Variants in ZNF492 observed in about 807,000 individuals in gnomAD.
ZNF492 encodes the protein zinc finger protein 492.
A neutral mutation model predicts 6.4 loss-of-function variants in ZNF492; 3 were observed. That is an observed-to-expected ratio of 0.47 (90% CI 0.21 to 1.22). The LOEUF (loss-of-function observed/expected upper bound fraction) is 1.22, where lower values mean the gene tolerates loss of function less well. ZNF492 is among the 50% of genes most tolerant of loss of function. The pLI is 0.22. For synonymous variants in ZNF492, 112 were observed against 205.3 expected, an observed-to-expected ratio of 0.55 and a Z score of 3.89; for missense variants, 356 against 612.5, an observed-to-expected ratio of 0.58 and a Z score of 4.42.
intron 1 of ZNF492, among the ~76,000 whole-genome samples, 183 bp from the exon 2 acceptor site, chr19:22,653,124 T>C (rs1327852276): frequency 6.6e-6 from 1 of 151,588 alleles, no homozygotes; most frequent in African/African-American, 2.4e-5. Context: ...GCCACTCTCT[T>C]TTCTCAGAGT....
chr19:22,638,240 C>A (rs1452153231), intron 1 of ZNF492, among the ~76,000 whole-genome samples: 1 of 152,020 alleles, frequency 6.6e-6, no homozygotes, highest in Non-Finnish European at 1.5e-5. Context: ...TCAATTACTG[C>A]TTTTGTTGCA....
intron 1 of ZNF492, among the ~76,000 whole-genome samples, chr19:22,647,193 G>T (rs1971887163): frequency 6.6e-6 from 1 of 150,994 alleles, no homozygotes; most frequent in Admixed American, 6.6e-5. Flanking sequence ...GCCCGGCCTG[G>T]TGGATGTTTT....
In ZNF492 at chr19:22,640,596, T is replaced by C. The variant is rs2145243474; in HGVS notation, c.-94+6122T>C. Among the ~76,000 whole-genome samples the C allele has an allele frequency of 1.3e-5, 2 of 152,332 alleles. 1 individual carries two copies. The highest frequency in any genetic ancestry group is 4.1e-4 in the South Asian group (2 of 4,826). On this transcript the variant is annotated intron_variant, in intron 1 of 3. Transcript: ENST00000456783. ...TTTTTGCATCAATGTTCATCAAGAA[T>C]ATTGGTCTAAAGTTTTCTTCTTTTG...
At chr19:22,639,676 A>G (rs1371581637) in intron 1 of ZNF492, among the ~76,000 whole-genome samples, 1 of 148,470 alleles carries the variant, frequency 6.7e-6, no homozygotes, top group East Asian at 2.0e-4. Flanking sequence ...GCGCCACCGC[A>G]CCCCAGCCTG....
intron 1 of ZNF492, among the ~76,000 whole-genome samples, chr19:22,646,291 GTTTA>G (rs1179863390): frequency 1.3e-5 from 2 of 151,826 alleles, no homozygotes; most frequent in Non-Finnish European, 2.9e-5. Context: ...CAGTTGTGAA[GTTTA>G]TTTATGATTT....
Position 22,665,126 on chromosome 19 carries a change from T to G in ZNF492, c.1457T>G (p.Phe486Cys). 1 of 1,610,700 alleles carries G rather than the reference T, an allele frequency of 6.2e-7. No homozygotes were observed. The highest frequency in any genetic ancestry group is 1.1e-5 in the South Asian group (1 of 90,184). ...PYKCEECGKAFNNSSILNRHK... is the reference protein window; with the variant it reads ...PYKCEECGKACNNSSILNRHK... The stretch of plus-strand genomic sequence containing the variant: ...AAGTGTGAAGAATGTGGCAAAGCCT[T>G]TAACAACTCCTCTATTCTTAACAGA... The change falls in exon 4 of 4, where the codon TTT becomes TGT. Residue 486 changes from phenylalanine (F) to cysteine (C), a missense_variant. Phe to Cys is a radical substitution (Grantham distance 205, BLOSUM62 -2). Coordinates refer to ENST00000456783, the MANE Select transcript of ZNF492 (RefSeq NM_020855.3).
chr19:22,663,126 G>A (rs1169628226), intron 3 of ZNF492, among the ~76,000 whole-genome samples: 1 of 152,016 alleles, frequency 6.6e-6, no homozygotes, highest in South Asian at 2.1e-4. Flanking sequence ...GTGTAAGGAA[G>A]GGATCCAGTT....
rs1452415550 is a variant in ZNF492, at chr19:22,666,534, G to C, written c.*1269G>C. The C allele has an allele frequency of 6.6e-6, 1 of 152,124 alleles. No individual in the cohort carries two copies. The highest frequency in any genetic ancestry group is 1.9e-4 in the East Asian group (1 of 5,180). 9.4% of individuals were successfully genotyped at this position (152,124 alleles called of 1,614,324 possible). On this transcript the variant is annotated 3_prime_UTR_variant, in exon 4 of 4. Coordinates refer to ENST00000456783, the MANE Select transcript of ZNF492 (RefSeq NM_020855.3). ...CTATTGTATTCATATGTGAAAGCAT[G>C]TGACCAAAAGATATGAGGATTATTT...
intron 3 of ZNF492, among the ~76,000 whole-genome samples, chr19:22,661,904 C>G (rs1228248120): frequency 1.3e-5 from 2 of 152,092 alleles, no homozygotes; most frequent in Non-Finnish European, 2.9e-5. Flanking sequence ...TCTTAATAAC[C>G]AATAATCACT....
intron 1 of ZNF492, among the ~76,000 whole-genome samples, chr19:22,647,183 G>A (rs573967896): frequency 2.4e-4 from 36 of 151,748 alleles, no homozygotes; most frequent in Non-Finnish European, 3.2e-4. Context: ...GAGCCACTGC[G>A]CCCGGCCTGG....
chr19:22,644,700 T>G (rs748854444), intron 1 of ZNF492, among the ~76,000 whole-genome samples: 8 of 152,204 alleles, frequency 5.3e-5, no homozygotes, highest in Non-Finnish European at 1.2e-4. Context: ...CGTGTGCATG[T>G]GTCTTTATAA....
rs1393334996 is a variant in ZNF492 at position 22,666,384 on chromosome 19, T to G, written c.*1119T>G. On this transcript the variant is annotated 3_prime_UTR_variant, in exon 4 of 4. Transcript: ENST00000456783. Reference sequence around the variant, plus strand: ...TTTTGTATTTTTAATAGAGCCAGGGTTTTGCCATGTTGGCCAGGCTGGTCT... The same window carrying G: ...TTTTGTATTTTTAATAGAGCCAGGGGTTTGCCATGTTGGCCAGGCTGGTCT... 5 of 152,068 alleles carry G rather than the reference T, an allele frequency of 3.3e-5. No individual in the cohort carries two copies. The highest frequency in any genetic ancestry group is 1.3e-4 in the Admixed American group (2 of 15,244). The allele number at this position is 152,068 out of a possible 1,614,324, so 9.4% of individuals were successfully genotyped here. A position where few individuals can be genotyped will look rare whatever the true frequency, so the allele number is the denominator to read the frequency against.
rs116020964 is a variant in ZNF492 at position 22,651,107 on chromosome 19, G to T, written c.-93-2200G>T. Reference sequence around the variant, plus strand: ...CCATGGAAAAGGCATGGTTTTGTCGGCTAAGTAGCACATTCATTCACCGCC... The same window carrying T: ...CCATGGAAAAGGCATGGTTTTGTCGTCTAAGTAGCACATTCATTCACCGCC... On this transcript the variant is annotated intron_variant, in intron 1 of 3. Transcript: ENST00000456783. Among the ~76,000 whole-genome samples, 920 of 152,202 alleles carry T rather than the reference G, an allele frequency of 6.0e-3. 14 individuals carry two copies. The highest frequency in any genetic ancestry group is 0.019 in the African/African-American group (776 of 41,482).
chr19:22,664,194 G>A lies in ZNF492; in HGVS notation c.525G>A (p.Gly175=). 6.2e-7 allele frequency: 1 copy of A among 1,612,092 alleles called. No individual in the cohort carries two copies. The highest frequency in any genetic ancestry group is 1.1e-5 in the South Asian group (1 of 90,940). Residue 175 remains glycine (G), a synonymous_variant, in exon 4 of 4, where the codon GGG becomes GGA. Transcript: ENST00000456783. The part of the protein sequence containing the change: ...GEKPYKCKEC[G]KAYNETSNLS... ...AACCCTACAAATGTAAAGAATGTGG[G>A]AAAGCCTATAATGAGACCTCAAACC... is the stretch of plus-strand genomic sequence containing the variant.
intron 1 of ZNF492, among the ~76,000 whole-genome samples, chr19:22,636,877 G>A (rs1335623167): frequency 8.9e-6 from 1 of 112,528 alleles, no homozygotes; most frequent in Non-Finnish European, 1.7e-5. Flanking sequence ...CAAGTGATCT[G>A]CCTGCCTCGG....
intron 1 of ZNF492, among the ~76,000 whole-genome samples, chr19:22,640,432 G>A (rs1169922224): frequency 3.3e-5 from 5 of 152,184 alleles, no homozygotes; most frequent in African/African-American, 4.8e-5. Flanking sequence ...AAAGTGCTGG[G>A]ATTACAGGCG....
intron 1 of ZNF492, among the ~76,000 whole-genome samples, chr19:22,646,773 A>G (rs1971881414): frequency 6.6e-6 from 1 of 152,210 alleles, no homozygotes; most frequent in African/African-American, 2.4e-5. Context: ...TATTGAGATA[A>G]TCATGTGATT....
rs1437885022 is a variant in ZNF492 at position 22,664,030 on chromosome 19, GTCTT to G, written c.364_367del (p.Phe122IlefsTer11). 6.2e-7 allele frequency: 1 copy of G among 1,606,826 alleles called. No individual in the cohort carries two copies. The highest frequency in any genetic ancestry group is 8.5e-7 in the Non-Finnish European group (1 of 1,176,440). ...ATTTCAATGTGACAAATATGTGAAA[GTCTT>G]TCATAAATTTTCAAATTCAAACAGA... On this transcript the variant is annotated frameshift_variant, in exon 4 of 4. Transcript: ENST00000456783. LOFTEE classifies it low-confidence loss of function (END_TRUNC).
At chr19:22,658,011 G>A (rs1269226826) in intron 3 of ZNF492, among the ~76,000 whole-genome samples, 1 of 152,038 alleles carries the variant, frequency 6.6e-6, no homozygotes, top group Non-Finnish European at 1.5e-5. Flanking sequence ...AAACACTTTT[G>A]TGACTTGACG....
Sources: gnomAD v4.1 joint callset for allele counts (sites outside exome capture counted in the v4.1 genomes callset) on GRCh38, gnomAD v4.1.1 for gene constraint, MANE v1.5 for transcripts, NCBI Gene and HGNC (gene_info 2026-07-23, HGNC 2026-07-21) for gene names.